DNAJA4: variants seen among roughly 807,000 people sequenced by gnomAD.
The protein encoded by DNAJA4 is DnaJ heat shock protein family (Hsp40) member A4.
Under a neutral mutation model 39.7 loss-of-function variants are expected in DNAJA4, and 32 were observed. The ratio of observed to expected loss-of-function variants is 0.81; its 90% CI spans 0.61 to 1.08. The LOEUF is 1.08. DNAJA4 is among the 50% of genes least tolerant of loss of function. The pLI, the probability that DNAJA4 is intolerant of heterozygous loss-of-function variation, is 0.00. For missense variants in DNAJA4, 439 were observed against 505.1 expected, an observed-to-expected ratio of 0.87 and a Z score of 1.25; for synonymous variants, 184 against 182.4, an observed-to-expected ratio of 1.01 and a Z score of -0.07.
intron 5 of DNAJA4, among the ~76,000 whole-genome samples, chr15:78,276,530 A>G (rs1364171132): frequency 6.6e-6 from 1 of 152,182 alleles, no homozygotes; most frequent in Admixed American, 6.5e-5. Context: ...AGGGGCTGAG[A>G]AGGGAGAGAG....
intron 1 of DNAJA4, among the ~76,000 whole-genome samples, chr15:78,266,807 GGTGA>G (rs1435956917): frequency 6.6e-6 from 1 of 152,204 alleles, no homozygotes; most frequent in East Asian, 1.9e-4. Context: ...CCACTTATGG[GGTGA>G]GTATCTAGCT....
chr15:78,266,017 A>T (rs1419374634), intron 1 of DNAJA4: 1 of 587,142 alleles, frequency 1.7e-6, no homozygotes, highest in East Asian at 2.8e-5. Context: ...TGGCTGTCAC[A>T]AGTTTAAAAT....
chr15:78,277,905 ATTTG>A (rs1421061105), intron 5 of DNAJA4: 3 of 369,920 alleles, frequency 8.1e-6, no homozygotes, highest in South Asian at 2.1e-5. Context: ...TTCTTTGGGG[ATTTG>A]TTTGTCCTTT....
intron 1 of DNAJA4, chr15:78,270,264 A>G: frequency 2.2e-6 from 1 of 451,320 alleles, no homozygotes; most frequent in Non-Finnish European, 4.0e-6. Flanking sequence ...TCTCTCCCTT[A>G]TTCTTATCGT....
In DNAJA4 at chr15:78,279,726, C is replaced by G. The variant is rs2049597136; in HGVS notation, c.878-319C>G. On this transcript the variant is annotated intron_variant, in intron 5 of 6. Transcript: ENST00000394852. The surrounding 1 kb of genome is among the most constrained non-coding windows in gnomAD (Gnocchi z 4.5). ...AAGAGGCAGGGTGACAGGTGTTGGC[C>G]CCATTTTAGGCAGACTTGGGTGTCA... 2 of 371,662 alleles carry G rather than the reference C, an allele frequency of 5.4e-6. No homozygotes were observed. 23.0% of individuals were successfully genotyped at this position (371,662 alleles called of 1,614,324 possible).
chr15:78,274,281 CG>C lies in DNAJA4; in HGVS notation c.506del (p.Gly169AlafsTer34). ...GMQIHIQQIGPGMVQQIQTVC... is the reference protein window; with the variant it reads ...GMQIHIQQIGXGMVQQIQTVC... ...CAGATCCACATCCAGCAGATCGGGC[CG>C]GGCATGGTACAGCAGATCCAGACCG... On this transcript the variant is annotated frameshift_variant, in exon 4 of 7. Coordinates refer to ENST00000394852, the MANE Select transcript of DNAJA4 (RefSeq NM_001130182.2). LOFTEE classifies it high-confidence loss of function. The C allele has an allele frequency of 6.2e-7, 1 of 1,614,106 alleles. No homozygotes were observed.
intron 1 of DNAJA4, among the ~76,000 whole-genome samples, chr15:78,267,309 AT>A (rs2049166488): frequency 6.6e-6 from 1 of 152,116 alleles, no homozygotes; most frequent in South Asian, 2.1e-4. Context: ...CTCTTCAAAA[AT>A]AGACTACACC....
chr15:78,271,193 C>T lies in DNAJA4; in HGVS notation c.313+516C>T, dbSNP rs147746998. The stretch of plus-strand genomic sequence containing the variant: ...AAATTTAGTAATTATCTGACACCCT[C>T]CAATACCATATGAAGTAGCGAATGG... On this transcript the variant is annotated intron_variant, in intron 2 of 6. Coordinates refer to ENST00000394852, the MANE Select transcript of DNAJA4 (RefSeq NM_001130182.2). Among the ~76,000 whole-genome samples the T allele has an allele frequency of 8.1e-3, 1,237 of 152,336 alleles. 24 individuals are homozygous for T. Among genetic ancestry groups the T allele is most frequent in the African/African-American group, 0.028 (1,159 of 41,572 alleles).
rs760454951 is a variant in DNAJA4, at chr15:78,280,233, C to T, written c.979-12C>T. On this transcript the variant is annotated splice_polypyrimidine_tract_variant and intron_variant, in intron 6 of 6. Transcript: ENST00000394852. ...AAACAGCCACCTTTCTTTCCCACCT[C>T]ACCCTTTACAGGTAATCTTTCCTGA... The T allele has an allele frequency of 2.2e-5, 35 of 1,613,112 alleles. No individual in the cohort carries two copies. The highest frequency in any genetic ancestry group is 3.0e-5 in the Non-Finnish European group (35 of 1,179,118).
At chr15:78,267,136 A>AG (rs2049146182) in intron 1 of DNAJA4, among the ~76,000 whole-genome samples, 2 of 103,176 alleles carry the variant, frequency 1.9e-5, no homozygotes, top group Non-Finnish European at 4.1e-5. Flanking sequence ...GTGAGTGTGT[A>AG]TGTGAGTGTG....
Position 78,274,199 on chromosome 15 carries a change from G to A in DNAJA4, c.421G>A (p.Val141Ile), listed in dbSNP as rs1179865786. 1 of 1,613,360 alleles carries A rather than the reference G, an allele frequency of 6.2e-7. No homozygotes were observed. The highest frequency in any genetic ancestry group is 1.3e-5 in the African/African-American group (1 of 74,928). ...TCCTGCCTCCCCTGACCCTGCAGGT[G>A]TTGGTGGGAAGAAGGGATCGGTGGA... The part of the protein sequence containing the change: ...KNVICEKCEG[V>I]GGKKGSVEKC... Residue 141 changes from valine (V) to isoleucine (I), a missense_variant and splice_region_variant, in exon 4 of 7, where the codon GTT becomes ATT. Val to Ile is a conservative substitution (Grantham distance 29). Coordinates refer to ENST00000394852, the MANE Select transcript of DNAJA4 (RefSeq NM_001130182.2).
chr15:78,277,588 A>G (rs8032417), intron 5 of DNAJA4, among the ~76,000 whole-genome samples: 45,203 of 152,092 alleles, frequency 0.3, 6,878 homozygotes, highest in Admixed American at 0.37. Flanking sequence ...ATTGTGTCCA[A>G]GATGCCCTTA....
upstream of DNAJA4, chr15:78,264,325 C>T (rs1386464693): frequency 2.1e-6 from 3 of 1,416,682 alleles, no homozygotes; most frequent in Non-Finnish European, 2.8e-6. Flanking sequence ...TGGCCCGGGG[C>T]GGCAGTCAGA....
upstream of DNAJA4, chr15:78,264,478 C>T (rs1232875626): frequency 2.3e-6 from 3 of 1,278,304 alleles, no homozygotes; most frequent in East Asian, 6.3e-5. Context: ...CGCGAAGGTT[C>T]TAGGCCTTTG....
intron 4 of DNAJA4, chr15:78,275,078 C>T (rs2049412138): frequency 1.1e-5 from 2 of 190,422 alleles, no homozygotes; most frequent in Admixed American, 5.3e-5. Context: ...ACTGTTTAAA[C>T]ATGCCTAAAC....
In DNAJA4 at chr15:78,274,276, C is replaced by T. The variant is rs778772507; in HGVS notation, c.498C>T (p.Ile166=). ...GGATGCAGATCCACATCCAGCAGATCGGGCCGGGCATGGTACAGCAGATCC... is the reference window on the plus strand; with the variant it reads ...GGATGCAGATCCACATCCAGCAGATTGGGCCGGGCATGGTACAGCAGATCC... ...GRGMQIHIQQ[I]GPGMVQQIQT... Residue 166 remains isoleucine, a synonymous_variant, in exon 4 of 7, where the codon ATC becomes ATT. Transcript: ENST00000394852. The T allele has an allele frequency of 1.1e-5, 17 of 1,614,170 alleles. No individual in the cohort carries two copies. Among genetic ancestry groups the T allele is most frequent in the African/African-American group, 8.0e-5 (6 of 75,040 alleles).
At position 78,280,612 on chromosome 15, in the gene DNAJA4, C is replaced by G. The variant is rs1215068848; in HGVS notation, c.*152C>G. 1.6e-6 allele frequency: 1 copy of G among 636,398 alleles called. No individual in the cohort carries two copies. The highest frequency in any genetic ancestry group is 3.2e-5 in the Admixed American group (1 of 31,360). 39.4% of individuals were successfully genotyped at this position (636,398 alleles called of 1,614,324 possible). A position where few individuals can be genotyped will look rare whatever the true frequency, so the allele number is the denominator to read the frequency against. The stretch of plus-strand genomic sequence containing the variant: ...ATTGCTGAGTGTCTTTTTGGCTTTT[C>G]TTTTGGTTGTAACTTAAGTTATAGC... On this transcript the variant is annotated 3_prime_UTR_variant, in exon 7 of 7. Transcript: ENST00000394852.
intron 4 of DNAJA4, chr15:78,275,191 C>T (rs57372079): frequency 0.044 from 15,842 of 363,978 alleles, 424 homozygotes; most frequent in Middle Eastern, 0.062. Flanking sequence ...GGGAAGTGGG[C>T]GGTGACCCTA....
chr15:78,272,071 A>G (rs765283746), intron 2 of DNAJA4, among the ~76,000 whole-genome samples: 8 of 152,164 alleles, frequency 5.3e-5, no homozygotes, highest in East Asian at 1.9e-4. Context: ...GATGGTGTGG[A>G]CATGATAAAA....
Sources: allele counts gnomAD v4.1 joint callset (sites outside exome capture counted in the v4.1 genomes callset), GRCh38; gene constraint gnomAD v4.1.1; non-coding constraint Gnocchi (gnomAD v3.1); transcripts MANE v1.5; gene names NCBI Gene and HGNC (gene_info 2026-07-23, HGNC 2026-07-21).